The following TRIP4 variants were observed in gnomAD, a reference collection of about 807,000 sequenced individuals.
TRIP4 encodes thyroid hormone receptor interactor 4.
A neutral mutation model predicts 81.8 loss-of-function variants in TRIP4; 54 were observed. The ratio of observed to expected loss-of-function variants is 0.66; its 90% CI spans 0.53 to 0.83. The LOEUF (loss-of-function observed/expected upper bound fraction) is 0.83. TRIP4 is among the 40% of genes least tolerant of loss of function. The probability of loss-of-function intolerance (pLI) is 0.00; values close to 1 mark genes in which losing one functional copy is unlikely to be tolerated. For synonymous variants in TRIP4, 270 were observed against 242.8 expected, an observed-to-expected ratio of 1.11 and a Z score of -1.04; for missense variants, 662 against 683.6, an observed-to-expected ratio of 0.97 and a Z score of 0.35.
chr15:64,395,390 C>G lies in TRIP4; in HGVS notation c.272-8C>G, dbSNP rs1374026837. 1.3e-6 allele frequency: 2 copies of G among 1,585,190 alleles called. No individual in the cohort carries two copies. Among genetic ancestry groups the G allele is most frequent in the Non-Finnish European group, 1.7e-6 (2 of 1,169,828 alleles). On this transcript the variant is annotated splice_region_variant and splice_polypyrimidine_tract_variant and intron_variant, in intron 2 of 12. Coordinates refer to ENST00000261884, the MANE Select transcript of TRIP4 (RefSeq NM_016213.5). ...TGTGTGTGTATTTTTTTTTTTCTAT[C>G]TTTAAAGAAATTTTAGATGGGCAGA... is the stretch of plus-strand genomic sequence containing the variant.
chr15:64,445,448 A>G (rs188981183), intron 12 of TRIP4, among the ~76,000 whole-genome samples: 2 of 148,360 alleles, frequency 1.3e-5, no homozygotes, highest in East Asian at 4.0e-4. Flanking sequence ...AACATGGTGA[A>G]ACCCCCCCGT....
intron 12 of TRIP4, among the ~76,000 whole-genome samples, chr15:64,450,336 T>TG (rs1892726981): frequency 2.2e-5 from 3 of 136,190 alleles, no homozygotes; most frequent in African/African-American, 8.5e-5. Context: ...TTGCAGTGAG[T>TG]CGAGATGGCG....
chr15:64,426,266 C>T (rs1892141518), intron 11 of TRIP4, among the ~76,000 whole-genome samples: 1 of 152,024 alleles, frequency 6.6e-6, no homozygotes, highest in Non-Finnish European at 1.5e-5. Flanking sequence ...CTATTGAACT[C>T]ATGATAGGCA....
intron 12 of TRIP4, among the ~76,000 whole-genome samples, chr15:64,448,036 T>A (rs183325765): frequency 9.9e-5 from 15 of 152,272 alleles, no homozygotes; most frequent in African/African-American, 3.6e-4. Context: ...CCTCCCTCTG[T>A]TTTGGTTCTA....
chr15:64,409,524 G>A, intron 6 of TRIP4, 89 bp from the exon 7 acceptor site: 1 of 1,240,822 alleles, frequency 8.1e-7, no homozygotes, highest in Middle Eastern at 2.7e-4. Flanking sequence ...ACATATTTGA[G>A]ATATTAAGTT....
chr15:64,399,834 G>T (rs1303044625), intron 4 of TRIP4, among the ~76,000 whole-genome samples: 1 of 151,782 alleles, frequency 6.6e-6, no homozygotes, highest in Non-Finnish European at 1.5e-5. Context: ...CTCAGGCCAG[G>T]CATGCTGGCT....
intron 9 of TRIP4, 137 bp downstream of exon 9, chr15:64,418,865 C>A: frequency 1.3e-6 from 1 of 780,906 alleles, no homozygotes; most frequent in Non-Finnish European, 1.8e-6. Context: ...CTTTGAACAA[C>A]ATATTCATGT....
intron 9 of TRIP4, among the ~76,000 whole-genome samples, chr15:64,423,731 C>T (rs183094446): frequency 6.6e-6 from 1 of 152,092 alleles, no homozygotes; most frequent in African/African-American, 2.4e-5. Flanking sequence ...TGGAGAAGCA[C>T]CAAGACTGGT....
At chr15:64,426,981 C>G (rs1271719787) in intron 11 of TRIP4, among the ~76,000 whole-genome samples, 1 of 151,510 alleles carries the variant, frequency 6.6e-6, no homozygotes, top group Non-Finnish European at 1.5e-5. Flanking sequence ...GCCTGGGCAA[C>G]AGAGCAAGGC....
intron 12 of TRIP4, among the ~76,000 whole-genome samples, chr15:64,448,291 T>G (rs147896375): frequency 5.9e-5 from 9 of 152,330 alleles, no homozygotes; most frequent in African/African-American, 9.6e-5. Flanking sequence ...CTTTAGTACT[T>G]TCTCTACACC....
In TRIP4 at chr15:64,438,653, A is replaced by T. The variant is rs2140309646; in HGVS notation, c.1576-6353A>T. ...AGTTGGAGTGGAAGCCTATTATATT[A>T]AAATGAAGACCAAAAATAATTGTCA... On this transcript the variant is annotated intron_variant, in intron 11 of 12. Transcript: ENST00000261884. Among the ~76,000 whole-genome samples the T allele has an allele frequency of 1.3e-5, 2 of 152,344 alleles. 1 individual carries two copies. Among genetic ancestry groups the T allele is most frequent in the South Asian group, 4.1e-4 (2 of 4,830 alleles).
intron 12 of TRIP4, among the ~76,000 whole-genome samples, chr15:64,449,965 A>G (rs1404272118): frequency 6.6e-6 from 1 of 152,222 alleles, no homozygotes; most frequent in East Asian, 1.9e-4. Flanking sequence ...ATGATTGAGG[A>G]TGTGGTTTAA....
chr15:64,441,600 C>T (rs1415509369), intron 11 of TRIP4, among the ~76,000 whole-genome samples: 3 of 151,618 alleles, frequency 2.0e-5, no homozygotes, highest in Non-Finnish European at 2.9e-5. Context: ...GGTGAAACCC[C>T]GTCTCTACTA....
chr15:64,400,120 G>T (rs1891455867), intron 4 of TRIP4, among the ~76,000 whole-genome samples: 1 of 151,330 alleles, frequency 6.6e-6, no homozygotes. Flanking sequence ...TCTGACAAGA[G>T]AAGTTAATTA....
chr15:64,419,404 G>C (rs1343309365), intron 9 of TRIP4, among the ~76,000 whole-genome samples: 1 of 151,744 alleles, frequency 6.6e-6, no homozygotes, highest in Non-Finnish European at 1.5e-5. Flanking sequence ...CTGTCACCAG[G>C]CTGGAGTGCA....
chr15:64,417,467 T>A lies in TRIP4; in HGVS notation c.1171-1074T>A, dbSNP rs115095887. ...TCAGCTTTATAAATTATTAATTTTTTAAAAAAGATAACCCCAAATATCATC... is the reference window on the plus strand; with the variant it reads ...TCAGCTTTATAAATTATTAATTTTTAAAAAAAGATAACCCCAAATATCATC... On this transcript the variant is annotated intron_variant, in intron 8 of 12. Coordinates refer to ENST00000261884, the MANE Select transcript of TRIP4 (RefSeq NM_016213.5). Among the ~76,000 whole-genome samples, 1,359 of 152,050 alleles carry A rather than the reference T, an allele frequency of 8.9e-3. 22 individuals are homozygous for A. The highest frequency in any genetic ancestry group is 0.031 in the African/African-American group (1,305 of 41,464).
chr15:64,395,827 G>A (rs981534825), intron 3 of TRIP4, among the ~76,000 whole-genome samples: 8 of 149,310 alleles, frequency 5.4e-5, no homozygotes, highest in Non-Finnish European at 8.9e-5. Context: ...TGCAACCTCC[G>A]CTTCCTGGGT....
rs551497613 is a variant in TRIP4 at position 64,401,003 on chromosome 15, C to T, written c.697+182C>T. Among the ~76,000 whole-genome samples the T allele has an allele frequency of 3.3e-5, 5 of 152,112 alleles. No individual in the cohort carries two copies. In the South Asian group the frequency reaches 1.0e-3, roughly 32 times the overall value. On this transcript the variant is annotated intron_variant, in intron 5 of 12. Transcript: ENST00000261884. ...TGATGTGGAGTCTCACTCTTATCAC[C>T]CAGGCTGGAGAGCAGTGACGCGATC...
Position 64,387,887 on chromosome 15 carries a change from C to T in TRIP4, c.24C>T (p.Ser8=), listed in dbSNP as rs1470072481. Residue 8 remains serine (S), a synonymous_variant, in exon 1 of 13, where the codon TCC becomes TCT. Coordinates refer to ENST00000261884, the MANE Select transcript of TRIP4 (RefSeq NM_016213.5). The part of the protein sequence containing the change: MAVAGAV[S]GEPLVHWCTQ... ...AGATGGCGGTGGCTGGGGCGGTGTC[C>T]GGGGAGCCGCTGGTGCACTGGTGCA... 5 of 1,548,496 alleles carry T rather than the reference C, an allele frequency of 3.2e-6. No homozygotes were observed. The highest frequency in any genetic ancestry group is 2.4e-5 in the East Asian group (1 of 40,928).
Sources: allele counts gnomAD v4.1 joint callset (sites outside exome capture counted in the v4.1 genomes callset), GRCh38; gene constraint gnomAD v4.1.1; transcripts MANE v1.5; gene names NCBI Gene and HGNC (gene_info 2026-07-23, HGNC 2026-07-21).